TRAF3: variants seen among roughly 807,000 people sequenced by gnomAD.
TRAF3 encodes TNF receptor associated factor 3.
A neutral mutation model predicts 62.3 loss-of-function variants in TRAF3; 13 were observed. The ratio of observed to expected loss-of-function variants is 0.21; its 90% CI spans 0.14 to 0.33. The LOEUF (loss-of-function observed/expected upper bound fraction) is 0.33, where lower values mean the gene tolerates loss of function less well. Among genes scored for constraint, TRAF3 ranks in the 10% least tolerant of loss-of-function variants. The pLI, the probability that TRAF3 is intolerant of heterozygous loss-of-function variation, is 1.00. For synonymous variants in TRAF3, 269 were observed against 283.4 expected (o/e 0.95, Z 0.51); for missense variants, 440 against 741.8 (o/e 0.59, Z 4.73).
chr14:102,901,930 G>A (rs1353862381), intron 10 of TRAF3, among the ~76,000 whole-genome samples: 8 of 152,232 alleles, frequency 5.3e-5, no homozygotes, highest in Admixed American at 5.2e-4. Context: ...TTCCACAGCT[G>A]CATTGAGCAC....
intron 6 of TRAF3, chr14:102,876,759 A>G (rs1017764662): frequency 2.6e-4 from 143 of 545,876 alleles, no homozygotes; most frequent in South Asian, 4.0e-4. Context: ...AATCCGTTCC[A>G]CAGGCCTTCC....
intron 1 of TRAF3, among the ~76,000 whole-genome samples, chr14:102,794,391 C>T (rs1897960266): frequency 6.6e-6 from 1 of 152,190 alleles, no homozygotes; most frequent in Admixed American, 6.6e-5. Flanking sequence ...CTACGTTGCC[C>T]AGGCTGGTCT....
At chr14:102,824,006 T>C (rs1424629395) in intron 1 of TRAF3, among the ~76,000 whole-genome samples, 2 of 152,246 alleles carry the variant, frequency 1.3e-5, no homozygotes, top group Non-Finnish European at 2.9e-5. Flanking sequence ...TGTTAGTCCA[T>C]TGATAGACGT....
chr14:102,886,757 A>AAAAAC (rs748873424), intron 7 of TRAF3, among the ~76,000 whole-genome samples: 5 of 152,214 alleles, frequency 3.3e-5, no homozygotes, highest in Non-Finnish European at 7.3e-5. Context: ...ACTCCGTCTC[A>AAAAAC]AAAACAAAAC....
chr14:102,899,194 TA>T (rs1440397711), intron 10 of TRAF3, among the ~76,000 whole-genome samples: 1 of 152,198 alleles, frequency 6.6e-6, no homozygotes, highest in East Asian at 1.9e-4. Flanking sequence ...AATTCAGTGT[TA>T]CCTTTGGGAC....
intron 2 of TRAF3, among the ~76,000 whole-genome samples, chr14:102,869,870 G>T (rs1434840196): frequency 2.0e-5 from 3 of 151,730 alleles, no homozygotes; most frequent in Non-Finnish European, 4.4e-5. Context: ...GAGTGCAGTG[G>T]TGCCATCATA....
chr14:102,860,434 G>A (rs1309915996), intron 2 of TRAF3, among the ~76,000 whole-genome samples: 1 of 152,146 alleles, frequency 6.6e-6, no homozygotes, highest in Non-Finnish European at 1.5e-5. Context: ...TTCCTAAGAA[G>A]TCCCAGGCTG....
chr14:102,863,790 C>G (rs1887815271), intron 2 of TRAF3, among the ~76,000 whole-genome samples: 1 of 152,240 alleles, frequency 6.6e-6, no homozygotes, highest in Non-Finnish European at 1.5e-5. Flanking sequence ...TTTCCAATAA[C>G]CTTTTCCCAT....
intron 2 of TRAF3, among the ~76,000 whole-genome samples, chr14:102,861,044 A>T (rs1272224917): frequency 6.6e-6 from 1 of 152,286 alleles, no homozygotes; most frequent in Non-Finnish European, 1.5e-5. Flanking sequence ...CATTGCCTGC[A>T]GCAGGCTGGG....
intron 6 of TRAF3, among the ~76,000 whole-genome samples, chr14:102,882,164 G>GT (rs1188611612): frequency 3.3e-5 from 5 of 152,204 alleles, no homozygotes; most frequent in Non-Finnish European, 7.3e-5. Context: ...TAGTGAGGAG[G>GT]TTGCCTTTCA....
At chr14:102,793,360 C>T (rs970026261) in intron 1 of TRAF3, among the ~76,000 whole-genome samples, 1 of 151,758 alleles carries the variant, frequency 6.6e-6, no homozygotes, top group Non-Finnish European at 1.5e-5. Flanking sequence ...CACTGTGTTG[C>T]CCAGGCTGGT....
intron 1 of TRAF3, among the ~76,000 whole-genome samples, chr14:102,824,680 T>C (rs1239475828): frequency 6.6e-6 from 1 of 152,238 alleles, no homozygotes; most frequent in Non-Finnish European, 1.5e-5. Flanking sequence ...TGCATCAAAT[T>C]CATGTAAATG....
At chr14:102,806,496 G>T (rs1014920923) in intron 1 of TRAF3, among the ~76,000 whole-genome samples, 7 of 152,162 alleles carry the variant, frequency 4.6e-5, no homozygotes, top group Non-Finnish European at 1.0e-4. Context: ...TTCCAGCTGT[G>T]GTTCCCAAGT....
intron 2 of TRAF3, among the ~76,000 whole-genome samples, chr14:102,854,459 T>G (rs1473058479): frequency 1.3e-5 from 2 of 152,242 alleles, no homozygotes; most frequent in African/African-American, 2.4e-5. Context: ...TTTCTGTTTT[T>G]AAAATTTTAG....
intron 2 of TRAF3, among the ~76,000 whole-genome samples, chr14:102,834,237 G>A (rs890224832): frequency 7.2e-5 from 11 of 152,022 alleles, no homozygotes; most frequent in Non-Finnish European, 1.3e-4. Context: ...AGCATGGTAC[G>A]GGTACAAAAG....
chr14:102,900,180 GAAAA>G (rs56203426), intron 10 of TRAF3, among the ~76,000 whole-genome samples: 6 of 91,446 alleles, frequency 6.6e-5, no homozygotes, highest in East Asian at 3.8e-4. Flanking sequence ...CTCCGTCTCG[GAAAA>G]AAAAAAAAAA....
chr14:102,873,008 C>CT lies in TRAF3; in HGVS notation c.297+1042dup, dbSNP rs202215704. 4.1e-3 allele frequency among the ~76,000 whole-genome samples: 620 copies of CT among 152,254 alleles called. 12 individuals carry two copies. Among genetic ancestry groups the CT allele is most frequent in the Admixed American group, 0.037 (572 of 15,292 alleles). ...CACCCAGCAATTCATTCTTAAAGTG[C>CT]TTAAAATATCAATAAAAATGTGTGT... On this transcript the variant is annotated intron_variant, in intron 4 of 11. Transcript: ENST00000392745.
At chr14:102,840,874 A>G (rs1311837130) in intron 2 of TRAF3, among the ~76,000 whole-genome samples, 2 of 152,208 alleles carry the variant, frequency 1.3e-5, no homozygotes, top group Admixed American at 1.3e-4. Context: ...TAAGGGGAAC[A>G]AACAAAACAA....
At chr14:102,857,769 C>G (rs1026726193) in intron 2 of TRAF3, among the ~76,000 whole-genome samples, 2 of 152,238 alleles carry the variant, frequency 1.3e-5, no homozygotes, top group Non-Finnish European at 2.9e-5. Context: ...CCATTCCCAT[C>G]AAAGTCCTGG....
Sources: gnomAD v4.1 joint callset for allele counts (sites outside exome capture counted in the v4.1 genomes callset) on GRCh38, gnomAD v4.1.1 for gene constraint, MANE v1.5 for transcripts, NCBI Gene and HGNC (gene_info 2026-07-23, HGNC 2026-07-21) for gene names.